TMCC1: variants seen among roughly 807,000 people sequenced by gnomAD.
TMCC1 encodes the protein transmembrane and coiled-coil domains protein 1.
TMCC1 carries 15 observed loss-of-function variants against 52.4 expected under a neutral mutation model. The observed-to-expected ratio is 0.29, with a 90% confidence interval of 0.19 to 0.44. TMCC1 has a LOEUF of 0.44. Among genes scored for constraint, TMCC1 ranks in the 20% least tolerant of loss-of-function variants. TMCC1 has a pLI of 1.00. For missense variants in TMCC1, 503 were observed against 806.0 expected (o/e 0.62, Z 4.55); for synonymous variants, 279 against 301.9 (o/e 0.92, Z 0.79).
At chr3:129,654,844 CTTACACAGTTGGTATAAGCTT>C in intron 6 of TMCC1, 103 bp downstream of exon 6, 10 of 1,373,958 alleles carry the variant, frequency 7.3e-6, no homozygotes, top group Non-Finnish European at 9.9e-6. Context: ...TAGGTATACT[CTTACACAGTTGGTATAAGCTT>C]TTCTTTGTTC....
chr3:129,890,103 A>AC (rs958914598), intron 1 of TMCC1, among the ~76,000 whole-genome samples: 1 of 152,060 alleles, frequency 6.6e-6, no homozygotes, highest in South Asian at 2.1e-4. Flanking sequence ...AACATATGAG[A>AC]CCCCATCTCT....
chr3:129,778,006 C>T (rs540552312), intron 4 of TMCC1, among the ~76,000 whole-genome samples: 1 of 152,210 alleles, frequency 6.6e-6, no homozygotes, highest in South Asian at 2.1e-4. Context: ...CGGTTGTTGC[C>T]TAAACTCTAG....
Position 129,660,298 on chromosome 3 carries a change from C to T in TMCC1, c.1512-5195G>A, listed in dbSNP as rs140933340. On this transcript the variant is annotated intron_variant, in intron 5 of 6. Coordinates refer to ENST00000393238, the MANE Select transcript of TMCC1 (RefSeq NM_001017395.5). ...AAGCAGCTGGGACTACAGGCATGTG[C>T]CACCACGCCCGGTTAATTTTGTTTT... Among the ~76,000 whole-genome samples, 748 of 152,232 alleles carry T rather than the reference C, an allele frequency of 4.9e-3. 7 individuals are homozygous for T. The highest frequency in any genetic ancestry group is 8.5e-3 in the Non-Finnish European group (579 of 68,010).
chr3:129,675,854 G>A (rs1250650678), intron 4 of TMCC1, among the ~76,000 whole-genome samples: 2 of 151,608 alleles, frequency 1.3e-5, no homozygotes, highest in Admixed American at 6.6e-5. Context: ...TGGCTAACAC[G>A]GTGAAACCCC....
chr3:129,681,844 G>T (rs979381458), intron 4 of TMCC1, among the ~76,000 whole-genome samples: 3 of 151,270 alleles, frequency 2.0e-5, no homozygotes, highest in Non-Finnish European at 4.4e-5. Flanking sequence ...GGAGGTGGAG[G>T]GTGTAGTGAG....
intron 4 of TMCC1, among the ~76,000 whole-genome samples, chr3:129,718,689 GT>G (rs2049302320): frequency 6.6e-6 from 1 of 152,134 alleles, no homozygotes; most frequent in African/African-American, 2.4e-5. Context: ...TGTAAATACA[GT>G]ACTGTAAATG....
chr3:129,833,089 C>T (rs564519494), intron 2 of TMCC1, among the ~76,000 whole-genome samples: 1 of 151,968 alleles, frequency 6.6e-6, no homozygotes, highest in South Asian at 2.1e-4. Context: ...GATAAAGTGG[C>T]AAATATTTTA....
rs747872082 is a variant in TMCC1, at chr3:129,670,528, C to T, written c.1313G>A (p.Gly438Glu). Residue 438 changes from glycine to glutamate, a missense_variant, in exon 5 of 7, where the codon GGG (glycine) becomes GAG (glutamate). Transcript: ENST00000393238. ...SGSVGANSTT[G>E]GIAVGASSSK... ...GCTGGATGCTCCTACAGCGATGCCCCCTGTGGTGCTGTTGGCTCCCACTGA... is the reference window on the plus strand; with the variant it reads ...GCTGGATGCTCCTACAGCGATGCCCTCTGTGGTGCTGTTGGCTCCCACTGA... 2 of 1,614,192 alleles carry T rather than the reference C, an allele frequency of 1.2e-6. No individual in the cohort carries two copies. Among genetic ancestry groups the T allele is most frequent in the South Asian group, 1.1e-5 (1 of 91,084 alleles).
chr3:129,740,353 A>G (rs2051354297), intron 4 of TMCC1, among the ~76,000 whole-genome samples: 1 of 152,214 alleles, frequency 6.6e-6, no homozygotes, highest in African/African-American at 2.4e-5. Flanking sequence ...ATCCAAGAGA[A>G]GCATGTCCAC....
chr3:129,809,350 A>G (rs200948263), intron 4 of TMCC1, among the ~76,000 whole-genome samples: 2 of 152,158 alleles, frequency 1.3e-5, no homozygotes, highest in East Asian at 3.8e-4. Flanking sequence ...CAAGCAAGTA[A>G]AATGTTTCAT....
intron 4 of TMCC1, among the ~76,000 whole-genome samples, chr3:129,746,099 G>A (rs1207812826): frequency 5.3e-5 from 8 of 151,338 alleles, no homozygotes; most frequent in Admixed American, 5.3e-4. Flanking sequence ...CTTGCAAGGA[G>A]GGGGGTAAAA....
chr3:129,723,967 T>C (rs566807962), intron 4 of TMCC1, among the ~76,000 whole-genome samples: 3 of 151,678 alleles, frequency 2.0e-5, no homozygotes, highest in Non-Finnish European at 4.4e-5. Context: ...AACATACGGT[T>C]TCCGAGGAGA....
At chr3:129,719,351 C>G (rs1340640350) in intron 4 of TMCC1, among the ~76,000 whole-genome samples, 1 of 152,214 alleles carries the variant, frequency 6.6e-6, no homozygotes, top group Admixed American at 6.5e-5. Context: ...TGCATCCCTT[C>G]CCATATGCCT....
chr3:129,700,893 A>G (rs1244243901), intron 4 of TMCC1, among the ~76,000 whole-genome samples: 4 of 152,222 alleles, frequency 2.6e-5, no homozygotes, highest in Non-Finnish European at 5.9e-5. Context: ...CAAATCCTTG[A>G]CAAAAGATGT....
At chr3:129,721,262 G>A (rs1576578236) in intron 4 of TMCC1, among the ~76,000 whole-genome samples, 1 of 152,240 alleles carries the variant, frequency 6.6e-6, no homozygotes, top group East Asian at 1.9e-4. Flanking sequence ...TGTTTTAAAT[G>A]AAGCTTATGC....
chr3:129,733,464 TTAG>T (rs1273626940), intron 4 of TMCC1, among the ~76,000 whole-genome samples: 2 of 152,192 alleles, frequency 1.3e-5, no homozygotes, highest in African/African-American at 2.4e-5. Context: ...TGGAAGCCTC[TTAG>T]TAGATGTGGG....
intron 4 of TMCC1, among the ~76,000 whole-genome samples, chr3:129,721,405 T>C (rs2049571262): frequency 6.6e-6 from 1 of 151,994 alleles, no homozygotes; most frequent in Admixed American, 6.6e-5. Context: ...GCAGTGGTAA[T>C]TTAGCTCACT....
At chr3:129,881,350 A>G (rs570287584) in intron 1 of TMCC1, among the ~76,000 whole-genome samples, 33 of 152,290 alleles carry the variant, frequency 2.2e-4, no homozygotes, top group Admixed American at 5.2e-4. Context: ...TTTTTGTAGC[A>G]AAATCATGGT....
intron 2 of TMCC1, among the ~76,000 whole-genome samples, chr3:129,839,931 C>G (rs969921335): frequency 1.4e-4 from 21 of 151,592 alleles, no homozygotes; most frequent in Admixed American, 1.4e-3. Context: ...TAGAGAAGAG[C>G]TAGCAAGATG....
Sources: allele counts gnomAD v4.1 joint callset (sites outside exome capture counted in the v4.1 genomes callset), GRCh38; gene constraint gnomAD v4.1.1; transcripts MANE v1.5; gene names NCBI Gene and HGNC (gene_info 2026-07-23, HGNC 2026-07-21).